Variants in PTPRN2 observed in about 807,000 individuals in gnomAD.
The protein encoded by PTPRN2 is receptor-type tyrosine-protein phosphatase N2.
Under a neutral mutation model 118.8 loss-of-function variants are expected in PTPRN2, and 74 were observed. The observed-to-expected ratio is 0.62, with a 90% CI of 0.52 to 0.76. The LOEUF is 0.76. Ranked by LOEUF, PTPRN2 falls within the 30% of genes least tolerant of loss-of-function variation. The probability of loss-of-function intolerance (pLI) is 0.00; values close to 1 mark genes in which losing one functional copy is unlikely to be tolerated. For synonymous variants in PTPRN2, 641 were observed against 608.0 expected (o/e 1.05, Z -0.80); for missense variants, 1,481 against 1,394.4 (o/e 1.06, Z -0.99).
intron 2 of PTPRN2, among the ~76,000 whole-genome samples, chr7:158,458,993 G>A (rs1183501237): frequency 6.6e-6 from 1 of 152,200 alleles, no homozygotes; most frequent in Non-Finnish European, 1.5e-5. Context: ...GGCAGGAGAC[G>A]GCAACATCTG....
At chr7:158,409,666 C>CAACAGAA (rs946123078) in intron 2 of PTPRN2, among the ~76,000 whole-genome samples, 1 of 152,166 alleles carries the variant, frequency 6.6e-6, no homozygotes, top group African/African-American at 2.4e-5. Context: ...GGGTCTCTAA[C>CAACAGAA]AACAGAAAAC....
intron 2 of PTPRN2, among the ~76,000 whole-genome samples, chr7:158,348,287 G>A (rs1426205224): frequency 6.9e-6 from 1 of 145,058 alleles, no homozygotes; most frequent in East Asian, 1.9e-4. Flanking sequence ...CACAGCCCCA[G>A]AGCCACCCTG....
intron 3 of PTPRN2, among the ~76,000 whole-genome samples, chr7:158,304,210 A>ATG (rs1306666570): frequency 4.2e-4 from 63 of 151,404 alleles, no homozygotes; most frequent in South Asian, 2.1e-3. Context: ...ATCCATCAAT[A>ATG]CACATAAGAC....
intron 9 of PTPRN2, among the ~76,000 whole-genome samples, chr7:158,124,722 G>A (rs4909253): frequency 0.32 from 48,977 of 151,998 alleles, 8,088 homozygotes; most frequent in East Asian, 0.43. Context: ...CTGCCGGGGC[G>A]GAGGGAGGGC....
chr7:158,146,069 T>A (rs951090024), intron 6 of PTPRN2, among the ~76,000 whole-genome samples: 3 of 106,440 alleles, frequency 2.8e-5, no homozygotes, highest in Non-Finnish European at 6.7e-5. Context: ...CTTTTCCCCC[T>A]TTCCCATCCA....
chr7:157,622,543 C>G lies in PTPRN2; in HGVS notation c.2197-1034G>C, dbSNP rs769411223. Among the ~76,000 whole-genome samples, 1 of 152,108 alleles carries G rather than the reference C, an allele frequency of 6.6e-6. No individual in the cohort carries two copies. Among genetic ancestry groups the G allele is most frequent in the Non-Finnish European group, 1.5e-5 (1 of 68,024 alleles). On this transcript the variant is annotated intron_variant, in intron 14 of 22. Coordinates refer to ENST00000389418, the MANE Select transcript of PTPRN2 (RefSeq NM_002847.5). This position sits in a 1 kb window ranked among gnomAD's most constrained non-coding sequence, Gnocchi z 5.3. ...ACACAGAGGGAGGGAGGGCTGGACA[C>G]GGCGAGGCGGGAATCTCAGGTCATC...
intron 12 of PTPRN2, among the ~76,000 whole-genome samples, chr7:157,688,603 C>T (rs900933206): frequency 6.6e-6 from 1 of 152,248 alleles, no homozygotes; most frequent in Admixed American, 6.5e-5. Context: ...GCGCGCCTTC[C>T]ACACCAGGTG....
rs117686960 is a variant in PTPRN2, at chr7:157,590,796, C to G, written c.2496+4442G>C. 1.6e-4 allele frequency among the ~76,000 whole-genome samples: 24 copies of G among 152,312 alleles called. No individual in the cohort carries two copies. The East Asian group carries it at 3.9e-3, about 25-fold the overall frequency. ...CCTTCTGGACCCATGGGCCCCTGTA[C>G]AGCATTTCTTGCTGAGGAACTTGGG... On this transcript the variant is annotated intron_variant, in intron 17 of 22. Transcript: ENST00000389418. This position sits in a 1 kb window ranked among gnomAD's most constrained non-coding sequence, Gnocchi z 4.0.
At chr7:157,650,194 G>C (rs1805553687) in intron 14 of PTPRN2, among the ~76,000 whole-genome samples, 1 of 152,150 alleles carries the variant, frequency 6.6e-6, no homozygotes, top group Non-Finnish European at 1.5e-5. Context: ...CTCTGGTCAT[G>C]GGGCTCCGTG....
intron 2 of PTPRN2, among the ~76,000 whole-genome samples, chr7:158,448,951 G>T (rs528010948): frequency 2.6e-5 from 4 of 152,146 alleles, no homozygotes; most frequent in Non-Finnish European, 5.9e-5. Flanking sequence ...GTCCAAGATG[G>T]AATTAAGGTG....
chr7:158,556,422 C>T lies in PTPRN2; in HGVS notation c.112+31136G>A, dbSNP rs113531285. Among the ~76,000 whole-genome samples the T allele has an allele frequency of 8.3e-3, 1,264 of 152,016 alleles. 19 individuals are homozygous for T. Among genetic ancestry groups the T allele is most frequent in the African/African-American group, 0.028 (1,168 of 41,430 alleles). On this transcript the variant is annotated intron_variant, in intron 1 of 22. Transcript: ENST00000389418. The stretch of plus-strand genomic sequence containing the variant: ...TACAAAAATTAGCCGGGCATGGTGG[C>T]GCATGCCTGTAATCCCAGCTACTCA...
chr7:158,411,566 G>A (rs1814090451), intron 2 of PTPRN2, among the ~76,000 whole-genome samples: 1 of 152,184 alleles, frequency 6.6e-6, no homozygotes, highest in South Asian at 2.1e-4. Context: ...TGGGAGATGG[G>A]ATCCCCCAGG....
At chr7:158,375,618 T>C (rs1360119005) in intron 2 of PTPRN2, among the ~76,000 whole-genome samples, 1 of 152,242 alleles carries the variant, frequency 6.6e-6, no homozygotes, top group Non-Finnish European at 1.5e-5. Context: ...TGGCCCTCAA[T>C]GGGAACAGGC....
chr7:158,253,316 G>A (rs889560030), intron 3 of PTPRN2, among the ~76,000 whole-genome samples: 6 of 152,192 alleles, frequency 3.9e-5, no homozygotes, highest in African/African-American at 9.7e-5. Flanking sequence ...AGGACTGACC[G>A]GGGCCAGCAC....
chr7:158,136,352 T>A (rs1219877501), intron 8 of PTPRN2, among the ~76,000 whole-genome samples: 1 of 152,210 alleles, frequency 6.6e-6, no homozygotes, highest in Non-Finnish European at 1.5e-5. Context: ...CAGGCTGCCG[T>A]GTGATAATCC....
intron 2 of PTPRN2, among the ~76,000 whole-genome samples, chr7:158,323,671 T>C (rs943126227): frequency 3.3e-5 from 5 of 152,172 alleles, no homozygotes; most frequent in African/African-American, 4.8e-5. Context: ...TTTTAAACAG[T>C]GGTCCTTAGA....
chr7:158,410,313 G>C (rs1236882656), intron 2 of PTPRN2, among the ~76,000 whole-genome samples: 1 of 152,216 alleles, frequency 6.6e-6, no homozygotes, highest in Non-Finnish European at 1.5e-5. Context: ...CCGAAGGCAG[G>C]AGATGTGGGG....
intron 12 of PTPRN2, among the ~76,000 whole-genome samples, chr7:157,814,951 C>T (rs370515698): frequency 6.6e-6 from 1 of 152,188 alleles, no homozygotes; most frequent in African/African-American, 2.4e-5. Flanking sequence ...TCCAAAGCTA[C>T]GTGGTCACCC....
rs1288187729 is a variant in PTPRN2 at position 158,205,371 on chromosome 7, G to A, written c.278-98C>T. 7.2e-6 allele frequency: 6 copies of A among 831,936 alleles called. No individual in the cohort carries two copies. The African/African-American group carries it at 1.0e-4, about 14-fold the overall frequency. The allele number at this position is 831,936 out of a possible 1,614,324, so 51.5% of individuals were successfully genotyped here. On this transcript the variant is annotated intron_variant, in intron 3 of 22. Coordinates refer to ENST00000389418, the MANE Select transcript of PTPRN2 (RefSeq NM_002847.5). Reference sequence around the variant, plus strand: ...ATTAGTTGCATTTCAGCATTAAGTTGATGGTCCCATCAGCAAAGTAAGCCT... The same window carrying A: ...ATTAGTTGCATTTCAGCATTAAGTTAATGGTCCCATCAGCAAAGTAAGCCT...
Sources: allele counts gnomAD v4.1 joint callset (sites outside exome capture counted in the v4.1 genomes callset), GRCh38; gene constraint gnomAD v4.1.1; non-coding constraint Gnocchi (gnomAD v3.1); transcripts MANE v1.5; gene names NCBI Gene and HGNC (gene_info 2026-07-23, HGNC 2026-07-21).